SLAMF1: variants seen among roughly 807,000 people sequenced by gnomAD.
The protein encoded by SLAMF1 is signaling lymphocytic activation molecule family member 1.
A neutral mutation model predicts 35.1 loss-of-function variants in SLAMF1; 18 were observed. The observed-to-expected ratio is 0.51, with a 90% CI of 0.35 to 0.76. SLAMF1 has a LOEUF of 0.76. SLAMF1 is among the 30% of genes least tolerant of loss of function. The pLI, the probability that SLAMF1 is intolerant of heterozygous loss-of-function variation, is 0.01. For synonymous variants in SLAMF1, 168 were observed against 157.2 expected (o/e 1.07, Z -0.51); for missense variants, 392 against 413.0 (o/e 0.95, Z 0.44).
chr1:160,634,963 T>C, intron 2 of SLAMF1, 66 bp from the exon 3 acceptor site: 2 of 1,435,524 alleles, frequency 1.4e-6, no homozygotes, highest in Non-Finnish European at 1.9e-6. Context: ...ACTTGACCTT[T>C]TTGTTAGAAC....
intron 5 of SLAMF1, among the ~76,000 whole-genome samples, chr1:160,613,936 G>T (rs1159713662): frequency 1.3e-5 from 2 of 152,236 alleles, no homozygotes; most frequent in South Asian, 2.1e-4. Flanking sequence ...CTTGGGCATG[G>T]TCTAGACCAG....
intron 5 of SLAMF1, among the ~76,000 whole-genome samples, chr1:160,613,008 C>A (rs568553156): frequency 3.3e-5 from 5 of 152,184 alleles, no homozygotes; most frequent in African/African-American, 1.2e-4. Context: ...CTCCTCCTCA[C>A]ATATGTCTTC....
intron 5 of SLAMF1, among the ~76,000 whole-genome samples, chr1:160,619,445 C>T (rs928039984): frequency 6.6e-6 from 1 of 152,220 alleles, no homozygotes; most frequent in Non-Finnish European, 1.5e-5. Context: ...TCTCCTCAAG[C>T]CTGCACTCTT....
At chr1:160,639,722 C>T (rs186382325) in intron 1 of SLAMF1, among the ~76,000 whole-genome samples, 315 of 152,280 alleles carry the variant, frequency 2.1e-3, no homozygotes, top group African/African-American at 7.2e-3. Flanking sequence ...TATTTTGTCT[C>T]TCTCCTGCTT....
intron 3 of SLAMF1, among the ~76,000 whole-genome samples, chr1:160,628,576 G>T (rs1660001345): frequency 6.6e-6 from 1 of 152,202 alleles, no homozygotes; most frequent in South Asian, 2.1e-4. Flanking sequence ...CAAATTCCAT[G>T]AAGGTAGGCC....
intron 5 of SLAMF1, among the ~76,000 whole-genome samples, chr1:160,619,039 C>G (rs1301370492): frequency 6.6e-6 from 1 of 152,214 alleles, no homozygotes; most frequent in Middle Eastern, 3.2e-3. Context: ...AAGGTACTAT[C>G]AAAACCATCT....
intron 5 of SLAMF1, chr1:160,615,763 A>AG: frequency 2.9e-6 from 1 of 346,520 alleles, no homozygotes; most frequent in South Asian, 2.3e-5. Flanking sequence ...TCTGATGATG[A>AG]CTGTCCTTAT....
At position 160,642,666 on chromosome 1, in the gene SLAMF1, TC is replaced by T. The variant is rs1660813275; in HGVS notation, c.76+4203del. Among the ~76,000 whole-genome samples, 1 of 152,166 alleles carries T rather than the reference TC, an allele frequency of 6.6e-6. No homozygotes were observed. The highest frequency in any genetic ancestry group is 2.1e-4 in the South Asian group (1 of 4,826). ...TGACAACACAGAGTCCAAGTTCTCC[TC>T]CCTCCAAAAGCAGAATGTACTCTGA... On this transcript the variant is annotated intron_variant, in intron 1 of 6. Coordinates refer to ENST00000302035, the MANE Select transcript of SLAMF1 (RefSeq NM_003037.5). The surrounding 1 kb of genome is among the most constrained non-coding windows in gnomAD (Gnocchi z 4.2).
chr1:160,625,156 C>A (rs1469083597), intron 3 of SLAMF1, among the ~76,000 whole-genome samples: 1 of 152,136 alleles, frequency 6.6e-6, no homozygotes, highest in East Asian at 1.9e-4. Flanking sequence ...GTTAGAGAGA[C>A]TTATGGGCTT....
In SLAMF1 at chr1:160,643,359, C is replaced by T. The variant is rs985831947; in HGVS notation, c.76+3511G>A. On this transcript the variant is annotated intron_variant, in intron 1 of 6. Transcript: ENST00000302035. ...TAATGATGGCACAAGCTTATGCTGG[C>T]CTGCTTAGGAAGATAGTGACTCCAG... is the stretch of plus-strand genomic sequence containing the variant. Among the ~76,000 whole-genome samples, 16 of 152,150 alleles carry T rather than the reference C, an allele frequency of 1.1e-4. No homozygotes were observed. The South Asian group carries it at 1.4e-3, about 14-fold the overall frequency.
chr1:160,643,462 A>G (rs951862975), intron 1 of SLAMF1, among the ~76,000 whole-genome samples: 4 of 152,178 alleles, frequency 2.6e-5, no homozygotes, highest in African/African-American at 4.8e-5. Context: ...GAAAAATTTT[A>G]TTATTCGTTT....
chr1:160,640,231 A>G (rs1010382607), intron 1 of SLAMF1, among the ~76,000 whole-genome samples: 2 of 150,986 alleles, frequency 1.3e-5, no homozygotes, highest in Non-Finnish European at 2.9e-5. Flanking sequence ...TGTGCTTAGT[A>G]TATAGGAGGC....
At chr1:160,631,226 T>C (rs56237064) in intron 3 of SLAMF1, among the ~76,000 whole-genome samples, 2,440 of 152,340 alleles carry the variant, frequency 0.016, 53 homozygotes, top group African/African-American at 0.055. Flanking sequence ...GTTTTCAGTA[T>C]TTAGGCAATC....
intron 1 of SLAMF1, among the ~76,000 whole-genome samples, chr1:160,638,996 G>A (rs1488135840): frequency 2.0e-5 from 3 of 152,088 alleles, no homozygotes; most frequent in Non-Finnish European, 4.4e-5. Flanking sequence ...CAATTGCACA[G>A]TCTGACATAT....
rs1359555117 is a variant in SLAMF1, at chr1:160,634,894, T to G, written c.419A>C (p.Gln140Pro). 6.2e-7 allele frequency: 1 copy of G among 1,607,872 alleles called. No individual in the cohort carries two copies. Among genetic ancestry groups the G allele is most frequent in the South Asian group, 1.1e-5 (1 of 90,756 alleles). The change falls in exon 3 of 7, where the codon CAG becomes CCG. Residue 140 changes from glutamine (Q) to proline (P), a missense_variant. By Grantham distance (76) the Gln-to-Pro change is moderately conservative. Transcript: ENST00000302035. ...RFCLQLRLYEQVSTPEIKVLN... is the reference protein window; with the variant it reads ...RFCLQLRLYEPVSTPEIKVLN... ...AACTTTAATTTCTGGAGTGGAGACCTGCTCTGTCAGGAGTGGGAGGAAGGG... is the reference window on the plus strand; with the variant it reads ...AACTTTAATTTCTGGAGTGGAGACCGGCTCTGTCAGGAGTGGGAGGAAGGG...
intron 3 of SLAMF1, among the ~76,000 whole-genome samples, chr1:160,625,867 G>GTGTATGTA (rs1214342005): frequency 1.3e-5 from 2 of 151,990 alleles, no homozygotes; most frequent in African/African-American, 4.8e-5. Context: ...GTGTGTATGT[G>GTGTATGTA]TGTGTTTGAG....
At chr1:160,644,897 G>T (rs1660953219) in intron 1 of SLAMF1, among the ~76,000 whole-genome samples, 1 of 152,108 alleles carries the variant, frequency 6.6e-6, no homozygotes, top group African/African-American at 2.4e-5. Flanking sequence ...CAGAGGAACT[G>T]CATGGAGGAA....
At position 160,637,536 on chromosome 1, in the gene SLAMF1, G is replaced by A. The variant is rs1204837421; in HGVS notation, c.77-7C>T. 7 of 1,601,768 alleles carry A rather than the reference G, an allele frequency of 4.4e-6. No individual in the cohort carries two copies. In the African/African-American group the frequency reaches 6.7e-5, roughly 15 times the overall value. On this transcript the variant is annotated splice_polypyrimidine_tract_variant and splice_region_variant and intron_variant, in intron 1 of 6. Transcript: ENST00000302035. ...CAGTTCATCATGCGCCCACCTGTGG[G>A]AGGGAGGAGAAGAGAGTCCCTTATT... is the stretch of plus-strand genomic sequence containing the variant.
At chr1:160,638,556 A>G (rs1407379774) in intron 1 of SLAMF1, among the ~76,000 whole-genome samples, 3 of 152,166 alleles carry the variant, frequency 2.0e-5, no homozygotes, top group Non-Finnish European at 2.9e-5. Flanking sequence ...CCCTGATCCC[A>G]GGTCCATCCC....
Sources: gnomAD v4.1 joint callset for allele counts (sites outside exome capture counted in the v4.1 genomes callset) on GRCh38, gnomAD v4.1.1 for gene constraint, Gnocchi (gnomAD v3.1) non-coding constraint, MANE v1.5 for transcripts, NCBI Gene and HGNC (gene_info 2026-07-23, HGNC 2026-07-21) for gene names.